Variants in PTGES3L observed in about 807,000 individuals in gnomAD.
The protein encoded by PTGES3L is prostaglandin E synthase 3 like.
Under a neutral mutation model 25.0 loss-of-function variants are expected in PTGES3L, and 17 were observed. The observed-to-expected ratio is 0.68, with a 90% CI of 0.47 to 1.02. The LOEUF is 1.02. Ranked by LOEUF, PTGES3L falls within the 50% of genes least tolerant of loss-of-function variation. The pLI, the probability that PTGES3L is intolerant of heterozygous loss-of-function variation, is 0.00. For missense variants in PTGES3L, 202 were observed against 197.5 expected, an observed-to-expected ratio of 1.02 and a Z score of -0.14; for synonymous variants, 59 against 65.7, an observed-to-expected ratio of 0.90 and a Z score of 0.50.
At position 42,971,648 on chromosome 17, in the gene PTGES3L, C is replaced by A. The variant is rs937719231; in HGVS notation, c.337G>T (p.Asp113Tyr). Residue 113 changes from aspartate (D) to tyrosine (Y), a missense_variant, in exon 5 of 7, where the codon GAT (aspartate) becomes TAT (tyrosine). Transcript: ENST00000591916. ...DFDNWRDWEG[D>Y]EEMELAHVEH... is the part of the protein sequence containing the mutation. ...ACATGAGCCAGCTCCATCTCTTCAT[C>A]CCCTTCCCAGTCTCTCCAGTTATCA... 6.2e-7 allele frequency: 1 copy of A among 1,614,108 alleles called. No individual in the cohort carries two copies. The highest frequency in any genetic ancestry group is 8.5e-7 in the Non-Finnish European group (1 of 1,180,022).
At position 42,979,187 on chromosome 17, in the gene PTGES3L, T is replaced by C. The variant is rs755330497; in HGVS notation, c.271A>G (p.Thr91Ala). ...WKEKVAWPRL[T>A]KEDIKPVWLS... is the part of the protein sequence containing the mutation. ...ACACCCACCTTGATATCCTCCTTGG[T>C]AAGCCGCGGCCAGGCCACCTTTTCC... Residue 91 changes from threonine to alanine, a missense_variant, in exon 4 of 7, where the codon ACC becomes GCC. By Grantham distance (58) the Thr-to-Ala change is moderately conservative (BLOSUM62 0). Transcript: ENST00000591916. The C allele has an allele frequency of 6.2e-7, 1 of 1,614,130 alleles. No homozygotes were observed.
intron 4 of PTGES3L, among the ~76,000 whole-genome samples, chr17:42,976,840 G>A (rs1405006625): frequency 6.6e-6 from 1 of 152,168 alleles, no homozygotes; most frequent in Non-Finnish European, 1.5e-5. Flanking sequence ...CCATGCTGAG[G>A]GCAATGCAGA....
chr17:42,979,136 G>A (rs1164535462), intron 4 of PTGES3L, 34 bp downstream of exon 4: 16 of 1,611,904 alleles, frequency 9.9e-6, no homozygotes, highest in Non-Finnish European at 1.3e-5. Flanking sequence ...TGGGTACATG[G>A]AGAGAAGAAG....
intron 4 of PTGES3L, among the ~76,000 whole-genome samples, chr17:42,973,737 G>A (rs2049901781): frequency 6.7e-6 from 1 of 149,452 alleles, no homozygotes; most frequent in African/African-American, 2.5e-5. Context: ...GTCCACTCAG[G>A]GTTAAATGGG....
chr17:42,974,410 C>A (rs2049917426), intron 4 of PTGES3L, among the ~76,000 whole-genome samples: 1 of 151,294 alleles, frequency 6.6e-6, no homozygotes, highest in Non-Finnish European at 1.5e-5. Flanking sequence ...TCAGAGACAG[C>A]CCTTCAAGGT....
Position 42,980,059 on chromosome 17 carries a change from C to T in PTGES3L, c.-6G>A. Reference sequence around the variant, plus strand: ...GGAAACACTCACCGTGCCATTGCGGCTCCCGCTCCAGGGTGGCATTTAGAG... The same window carrying T: ...GGAAACACTCACCGTGCCATTGCGGTTCCCGCTCCAGGGTGGCATTTAGAG... On this transcript the variant is annotated 5_prime_UTR_variant, in exon 1 of 7. Transcript: ENST00000591916. The T allele has an allele frequency of 3.9e-6, 6 of 1,551,034 alleles. No homozygotes were observed.
Position 42,970,276 on chromosome 17 carries a change from A to C in PTGES3L, c.432+13T>G. ...CAAAGAAACTGAAGGGTTGAGGGGA[A>C]GGCTTTACTTACATCCAAATCATCC... On this transcript the variant is annotated intron_variant, in intron 6 of 6. Coordinates refer to ENST00000591916, the MANE Select transcript of PTGES3L (RefSeq NM_001261430.2). The C allele has an allele frequency of 6.2e-7, 1 of 1,613,906 alleles. No homozygotes were observed.
intron 4 of PTGES3L, among the ~76,000 whole-genome samples, chr17:42,974,026 A>T (rs995489648): frequency 4.6e-5 from 7 of 150,832 alleles, no homozygotes; most frequent in Admixed American, 1.3e-4. Flanking sequence ...AAATAAAAAT[A>T]AAAAAAAATA....
At chr17:42,978,138 G>A (rs948075220) in intron 4 of PTGES3L, among the ~76,000 whole-genome samples, 3 of 149,160 alleles carry the variant, frequency 2.0e-5, no homozygotes, top group Admixed American at 6.7e-5. Flanking sequence ...TGGGCACATT[G>A]GCTCACGCCT....
Position 42,968,512 on chromosome 17 carries a change from C to T in PTGES3L, c.*636G>A, listed in dbSNP as rs1209710637. On this transcript the variant is annotated 3_prime_UTR_variant, in exon 7 of 7. Coordinates refer to ENST00000591916, the MANE Select transcript of PTGES3L (RefSeq NM_001261430.2). ...CACCACTGCACTCCAGCCTGGGCGA[C>T]AGAGCAAGACTCCATCTCGGAAAAA... 2 of 146,996 alleles carry T rather than the reference C, an allele frequency of 1.4e-5. No individual in the cohort carries two copies. 9.1% of individuals were successfully genotyped at this position (146,996 alleles called of 1,614,324 possible).
At chr17:42,975,127 T>A (rs1189648692) in intron 4 of PTGES3L, among the ~76,000 whole-genome samples, 2 of 81,308 alleles carry the variant, frequency 2.5e-5, no homozygotes, top group Non-Finnish European at 4.3e-5. Flanking sequence ...CAGTACGACA[T>A]CCTGTCTCAA....
rs760909566 is a variant in PTGES3L at position 42,969,197 on chromosome 17, G to T, written c.433-11C>A. 3.1e-5 allele frequency: 44 copies of T among 1,420,626 alleles called. No individual in the cohort carries two copies. Among genetic ancestry groups the T allele is most frequent in the Non-Finnish European group, 4.2e-5 (43 of 1,035,608 alleles). The allele number at this position is 1,420,626 out of a possible 1,614,324, so 88.0% of individuals were successfully genotyped here. ...ACTGTCAGAATCATCCTGGGGGCGG[G>T]GGGGAAAAAAGACAAAGCACCTGTA... On this transcript the variant is annotated splice_polypyrimidine_tract_variant and intron_variant, in intron 6 of 6. Coordinates refer to ENST00000591916, the MANE Select transcript of PTGES3L (RefSeq NM_001261430.2).
In PTGES3L at chr17:42,969,196, G is replaced by GA; in HGVS notation, c.433-11_433-10insT. On this transcript the variant is annotated splice_polypyrimidine_tract_variant and intron_variant, in intron 6 of 6. Coordinates refer to ENST00000591916, the MANE Select transcript of PTGES3L (RefSeq NM_001261430.2). ...CACTGTCAGAATCATCCTGGGGGCG[G>GA]GGGGGAAAAAAGACAAAGCACCTGT... 1.4e-6 allele frequency: 2 copies of GA among 1,439,190 alleles called. No homozygotes were observed. Among genetic ancestry groups the GA allele is most frequent in the Non-Finnish European group, 1.9e-6 (2 of 1,051,950 alleles). 89.2% of individuals were successfully genotyped at this position (1,439,190 alleles called of 1,614,324 possible).
chr17:42,974,904 G>A (rs2049927329), intron 4 of PTGES3L, among the ~76,000 whole-genome samples: 1 of 151,942 alleles, frequency 6.6e-6, no homozygotes, highest in Admixed American at 6.6e-5. Flanking sequence ...GGAGGCCAAG[G>A]CACATCAATT....
chr17:42,976,893 C>G (rs551821593), intron 4 of PTGES3L, among the ~76,000 whole-genome samples: 1 of 152,290 alleles, frequency 6.6e-6, no homozygotes, highest in Non-Finnish European at 1.5e-5. Context: ...ACAAACTTCT[C>G]ACTGTATGCT....
chr17:42,971,102 A>G (rs1791843971), intron 5 of PTGES3L, among the ~76,000 whole-genome samples: 1 of 152,166 alleles, frequency 6.6e-6, no homozygotes, highest in Non-Finnish European at 1.5e-5. Flanking sequence ...ATTTGAGACC[A>G]GCCTGGCCAA....
At chr17:42,978,077 CAAA>C (rs368420097) in intron 4 of PTGES3L, among the ~76,000 whole-genome samples, 10 of 47,402 alleles carry the variant, frequency 2.1e-4, no homozygotes, top group Admixed American at 7.8e-4. Context: ...AACTCCGAAT[CAAA>C]AAAAAAAAAA....
At chr17:42,975,409 G>A (rs901675664) in intron 4 of PTGES3L, among the ~76,000 whole-genome samples, 5 of 152,138 alleles carry the variant, frequency 3.3e-5, no homozygotes, top group African/African-American at 1.2e-4. Context: ...GTACAGAGGT[G>A]AGAAACAGCC....
At chr17:42,975,906 AC>A (rs1344984360) in intron 4 of PTGES3L, among the ~76,000 whole-genome samples, 1 of 151,890 alleles carries the variant, frequency 6.6e-6, no homozygotes, top group African/African-American at 2.4e-5. Context: ...CAAATTCCCC[AC>A]CTTGTGATCT....
Sources: gnomAD v4.1 joint callset for allele counts (sites outside exome capture counted in the v4.1 genomes callset) on GRCh38, gnomAD v4.1.1 for gene constraint, MANE v1.5 for transcripts, NCBI Gene and HGNC (gene_info 2026-07-23, HGNC 2026-07-21) for gene names.